Variants in ZNF274 observed in about 807,000 individuals in gnomAD.
ZNF274 encodes neurotrophin receptor-interacting factor homolog.
ZNF274 carries 23 observed loss-of-function variants against 42.5 expected under a neutral mutation model. The observed-to-expected ratio is 0.54, with a 90% CI of 0.39 to 0.77. The LOEUF (loss-of-function observed/expected upper bound fraction) is 0.77. Ranked by LOEUF, ZNF274 falls within the 30% of genes least tolerant of loss-of-function variation. ZNF274 has a pLI of 0.00. For missense variants in ZNF274, 679 were observed against 806.5 expected (o/e 0.84, Z 1.91); for synonymous variants, 292 against 305.4 (o/e 0.96, Z 0.46).
rs763287253 is a variant in ZNF274, at chr19:58,213,085, T to C, written c.1904T>C (p.Ile635Thr). Residue 635 changes from isoleucine to threonine, a missense_variant, in exon 8 of 8, where the codon ATT (isoleucine) becomes ACT (threonine). By Grantham distance (89) the Ile-to-Thr change is moderately conservative. Transcript: ENST00000617501. ...GCCTTCACCCAGAGCTCACACCTTATTGGGCACCAGAGAACCCACAATAGG... is the reference window on the plus strand; with the variant it reads ...GCCTTCACCCAGAGCTCACACCTTACTGGGCACCAGAGAACCCACAATAGG... ...GKAFTQSSHLIGHQRTHNRTK... is the reference protein window; with the variant it reads ...GKAFTQSSHLTGHQRTHNRTK... 3.1e-6 allele frequency: 5 copies of C among 1,614,072 alleles called. No individual in the cohort carries two copies. Among genetic ancestry groups the C allele is most frequent in the African/African-American group, 1.3e-5 (1 of 75,056 alleles).
In ZNF274 at chr19:58,211,790, A is replaced by G. The variant is rs746100112; in HGVS notation, c.979+104A>G. ...TAGACTCCACACTGGGCATTCCCTC[A>G]AGGGGCCCTTGCTGCATCCAGGGCC... On this transcript the variant is annotated intron_variant, in intron 7 of 7. Transcript: ENST00000617501. This position sits in a 1 kb window ranked among gnomAD's most constrained non-coding sequence, Gnocchi z 4.8. 3.4e-5 allele frequency: 49 copies of G among 1,456,534 alleles called. No homozygotes were observed. Among genetic ancestry groups the G allele is most frequent in the Non-Finnish European group, 4.3e-5 (47 of 1,092,062 alleles). The allele number at this position is 1,456,534 out of a possible 1,614,324, so 90.2% of individuals were successfully genotyped here.
intron 4 of ZNF274, among the ~76,000 whole-genome samples, chr19:58,188,714 A>ATATATATATATATG (rs1555816937): frequency 3.1e-5 from 4 of 127,594 alleles, no homozygotes; most frequent in Middle Eastern, 4.7e-3. Context: ...ATATATATAT[A>ATATATATATATATG]TATATATATA....
chr19:58,189,017 T>C (rs1671919666), intron 4 of ZNF274, among the ~76,000 whole-genome samples: 1 of 152,096 alleles, frequency 6.6e-6, no homozygotes, highest in Non-Finnish European at 1.5e-5. Flanking sequence ...ATAAATACAA[T>C]ATGTTCAATT....
intron 4 of ZNF274, among the ~76,000 whole-genome samples, chr19:58,188,807 A>C (rs1013529872): frequency 6.7e-6 from 1 of 148,318 alleles, no homozygotes; most frequent in African/African-American, 2.5e-5. Flanking sequence ...GGATTGCTTG[A>C]GGCTAGGAGT....
Position 58,183,998 on chromosome 19 carries a change from T to C in ZNF274, c.33T>C (p.Cys11=). Residue 11 remains cysteine (C), a splice_region_variant and synonymous_variant, in exon 2 of 8, where the codon TGT becomes TGC. Transcript: ENST00000617501. MASRLPTAWS[C]EPVTFEDVTL... The stretch of plus-strand genomic sequence containing the variant: ...CCAGGCTTCCGACGGCCTGGTCCTG[T>C]GTGAGTAGAGGCTTCCTTCAGCTTT... 6.3e-7 allele frequency: 1 copy of C among 1,593,184 alleles called. No homozygotes were observed. The highest frequency in any genetic ancestry group is 8.5e-7 in the Non-Finnish European group (1 of 1,169,714).
At chr19:58,184,268 G>T in intron 2 of ZNF274, 2 of 402,310 alleles carry the variant, frequency 5.0e-6, no homozygotes, top group Non-Finnish European at 9.0e-6. Flanking sequence ...ATTGGGAAGA[G>T]TAATTGACAG....
chr19:58,210,168 C>G, intron 6 of ZNF274, 95 bp downstream of exon 6: 1 of 923,150 alleles, frequency 1.1e-6, no homozygotes, highest in Middle Eastern at 2.5e-4. Context: ...TTTCCTAAGA[C>G]CTCCCACAGG....
rs1341172795 is a variant in ZNF274, at chr19:58,211,583, G to A, written c.876G>A (p.Val292=). The A allele has an allele frequency of 6.2e-7, 1 of 1,613,592 alleles. No individual in the cohort carries two copies. The highest frequency in any genetic ancestry group is 1.3e-5 in the African/African-American group (1 of 74,906). The change falls in exon 7 of 8, where the codon GTG becomes GTA. Residue 292 remains valine, a synonymous_variant. Coordinates refer to ENST00000617501, the MANE Select transcript of ZNF274 (RefSeq NM_133502.3). The surrounding 1 kb of genome is among the most constrained non-coding windows in gnomAD (Gnocchi z 4.8). ...AGGAGCCAGTGACCTTCCAGGATGT[G>A]GCTGTGGACTTCAGCCGGGAGGAGT... ...LPEEPVTFQD[V]AVDFSREEWG... is the part of the protein sequence containing the mutation.
intron 4 of ZNF274, among the ~76,000 whole-genome samples, chr19:58,198,807 CTTTTTTTTTTTTT>C (rs59644027): frequency 7.6e-6 from 1 of 131,494 alleles, no homozygotes; most frequent in African/African-American, 2.8e-5. Context: ...TTAACTTTGA[CTTTTTTTTTTTTT>C]TTTTTTTAGA....
chr19:58,194,397 G>A (rs1392646213), intron 4 of ZNF274, among the ~76,000 whole-genome samples: 2 of 10,568 alleles, frequency 1.9e-4, no homozygotes, highest in Non-Finnish European at 4.0e-4. Flanking sequence ...TTTTTTTTTT[G>A]AGGCAGGCTC....
chr19:58,189,456 G>A (rs897040336), intron 4 of ZNF274, among the ~76,000 whole-genome samples: 4 of 152,012 alleles, frequency 2.6e-5, no homozygotes, highest in Non-Finnish European at 5.9e-5. Context: ...TTTTATATAT[G>A]GGTGGGGTTC....
At chr19:58,187,337 G>GT (rs1171090672) in intron 4 of ZNF274, among the ~76,000 whole-genome samples, 2 of 152,182 alleles carry the variant, frequency 1.3e-5, no homozygotes, top group Non-Finnish European at 2.9e-5. Context: ...ACCCTGGTGT[G>GT]TATTTCCAGC....
In ZNF274 at chr19:58,212,650, G is replaced by A. The variant is rs749706409; in HGVS notation, c.1469G>A (p.Arg490Gln). 6 of 1,613,884 alleles carry A rather than the reference G, an allele frequency of 3.7e-6. No homozygotes were observed. Among genetic ancestry groups the A allele is most frequent in the South Asian group, 3.3e-5 (3 of 91,088 alleles). Residue 490 changes from arginine to glutamine, a missense_variant, in exon 8 of 8, where the codon CGG becomes CAG. Physicochemically the swap from Arg to Gln is conservative, Grantham distance 43 (BLOSUM62 1). This residue lies in a region of ZNF274 where 456 missense variants were observed against 590.1 expected (regional missense o/e 0.77). Transcript: ENST00000617501. This position sits in a 1 kb window ranked among gnomAD's most constrained non-coding sequence, Gnocchi z 4.6. ...AATGGTTGTAGGAAAACCTTCAGTCGGAGTACTAAACAGATTACGTTTATA... is the reference window on the plus strand; with the variant it reads ...AATGGTTGTAGGAAAACCTTCAGTCAGAGTACTAAACAGATTACGTTTATA... ...EGNGCRKTFSRSTKQITFIRI... is the reference protein window; with the variant it reads ...EGNGCRKTFSQSTKQITFIRI...
intron 5 of ZNF274, chr19:58,209,715 T>C: frequency 2.6e-6 from 1 of 377,642 alleles, no homozygotes; most frequent in East Asian, 5.0e-5. Flanking sequence ...GTCTCAGCAG[T>C]GAGGACACTG....
chr19:58,205,524 A>G (rs2075970486), intron 4 of ZNF274, among the ~76,000 whole-genome samples: 1 of 152,154 alleles, frequency 6.6e-6, no homozygotes, highest in African/African-American at 2.4e-5. Flanking sequence ...TTTTAGAGAC[A>G]GGGTCTCACT....
rs947962636 is a variant in ZNF274, at chr19:58,207,929, G to A, written c.739+727G>A. Among the ~76,000 whole-genome samples the A allele has an allele frequency of 1.3e-5, 2 of 152,232 alleles. No homozygotes were observed. Among genetic ancestry groups the A allele is most frequent in the Non-Finnish European group, 2.9e-5 (2 of 68,044 alleles). On this transcript the variant is annotated intron_variant, in intron 5 of 7. Transcript: ENST00000617501. This position sits in a 1 kb window ranked among gnomAD's most constrained non-coding sequence, Gnocchi z 5.6. ...AGAGATTTACCAGGCTGCATGTGTG[G>A]TGGATGGTGGACAGAGGATGGGGGC... is the stretch of plus-strand genomic sequence containing the variant.
chr19:58,194,281 T>TG (rs2075812258), intron 4 of ZNF274, among the ~76,000 whole-genome samples: 2 of 151,884 alleles, frequency 1.3e-5, no homozygotes, highest in Non-Finnish European at 2.9e-5. Flanking sequence ...TAGCCAAGGA[T>TG]GTGGGGATGT....
At position 58,211,735 on chromosome 19, in the gene ZNF274, G is replaced by C; in HGVS notation, c.979+49G>C. The C allele has an allele frequency of 6.3e-7, 1 of 1,574,852 alleles. No homozygotes were observed. Among genetic ancestry groups the C allele is most frequent in the Non-Finnish European group, 8.6e-7 (1 of 1,157,748 alleles). ...CCACCTCAGGGCTGGTAGGCCACAG[G>C]AGCCCCAAGTCAGGGGTGTTCACCT... is the stretch of plus-strand genomic sequence containing the variant. On this transcript the variant is annotated intron_variant, in intron 7 of 7. Transcript: ENST00000617501. This position sits in a 1 kb window ranked among gnomAD's most constrained non-coding sequence, Gnocchi z 4.8.
chr19:58,192,775 C>T (rs994200495), intron 4 of ZNF274, among the ~76,000 whole-genome samples: 2 of 152,200 alleles, frequency 1.3e-5, no homozygotes, highest in Non-Finnish European at 2.9e-5. Flanking sequence ...AGGTCTCACT[C>T]TATGTATCAC....
Sources: gnomAD v4.1 joint callset for allele counts (sites outside exome capture counted in the v4.1 genomes callset) on GRCh38, gnomAD v4.1.1 for gene constraint, gnomAD v4.1.1 regional missense constraint, Gnocchi (gnomAD v3.1) non-coding constraint, MANE v1.5 for transcripts, NCBI Gene and HGNC (gene_info 2026-07-23, HGNC 2026-07-21) for gene names.